Variants in GUCY2C observed in about 807,000 individuals in gnomAD.
The protein encoded by GUCY2C is guanylate cyclase 2C.
GUCY2C carries 118 observed loss-of-function variants against 131.1 expected under a neutral mutation model. The observed-to-expected ratio is 0.90, with a 90% CI of 0.78 to 1.05. The LOEUF (loss-of-function observed/expected upper bound fraction) is 1.05, where lower values mean the gene tolerates loss of function less well. Ranked by LOEUF, GUCY2C falls within the 50% of genes least tolerant of loss-of-function variation. The probability of loss-of-function intolerance (pLI) is 0.00; values close to 1 mark genes in which losing one functional copy is unlikely to be tolerated. For synonymous variants in GUCY2C, 452 were observed against 457.8 expected (o/e 0.99, Z 0.16); for missense variants, 1,161 against 1,304.4 (o/e 0.89, Z 1.69).
rs368163045 is a variant in GUCY2C at position 14,680,251 on chromosome 12, C to A, written c.734-498G>T. 3.3e-5 allele frequency among the ~76,000 whole-genome samples: 5 copies of A among 152,322 alleles called. No homozygotes were observed. In the East Asian group the frequency reaches 5.8e-4, roughly 18 times the overall value. ...TTATCTGTAGCCTCTTAACTCAAAA[C>A]TTCATCTTAGTAACTCCAATGCCAG... On this transcript the variant is annotated intron_variant, in intron 5 of 26. Coordinates refer to ENST00000261170, the MANE Select transcript of GUCY2C (RefSeq NM_004963.4).
rs147438839 is a variant in GUCY2C at position 14,682,270 on chromosome 12, G to A, written c.611+772C>T. ...CCCCACGTGTCAAGGGAGAGACCAG[G>A]TGGAGGTAATTGAACCATGGGGGTG... On this transcript the variant is annotated intron_variant, in intron 4 of 26. Transcript: ENST00000261170. Among the ~76,000 whole-genome samples the A allele has an allele frequency of 2.6e-5, 4 of 152,260 alleles. No individual in the cohort carries two copies. In the East Asian group the frequency reaches 7.7e-4, roughly 29 times the overall value.
chr12:14,648,392 G>A (rs1409963546), intron 15 of GUCY2C, among the ~76,000 whole-genome samples: 3 of 152,108 alleles, frequency 2.0e-5, no homozygotes, highest in Non-Finnish European at 2.9e-5. Flanking sequence ...GGGTTGTCAT[G>A]CTTGTATCCT....
intron 1 of GUCY2C, among the ~76,000 whole-genome samples, chr12:14,691,825 T>TTA (rs2137112716): frequency 6.6e-6 from 1 of 152,316 alleles, no homozygotes; most frequent in East Asian, 1.9e-4. Flanking sequence ...CCTCATCCAC[T>TTA]TGTTAATAGA....
chr12:14,681,578 A>G, intron 4 of GUCY2C, 101 bp from the exon 5 acceptor site: 1 of 988,752 alleles, frequency 1.0e-6, no homozygotes, highest in Non-Finnish European at 1.6e-6. Context: ...TTGTTCATCT[A>G]AAATTCATTT....
chr12:14,638,886 T>A (rs1055127098), intron 19 of GUCY2C, among the ~76,000 whole-genome samples: 9 of 152,184 alleles, frequency 5.9e-5, no homozygotes, highest in African/African-American at 1.7e-4. Context: ...ATAGAAATGA[T>A]AACTACTTAA....
At chr12:14,625,345 T>TTTA (rs1946988239) in intron 21 of GUCY2C, among the ~76,000 whole-genome samples, 1 of 84,152 alleles carries the variant, frequency 1.2e-5, no homozygotes, top group African/African-American at 3.9e-5. Flanking sequence ...TTTTTTTTTT[T>TTTA]GAGACGGAGT....
chr12:14,641,285 C>T, intron 17 of GUCY2C, 66 bp from the exon 18 acceptor site: 4 of 1,474,748 alleles, frequency 2.7e-6, no homozygotes, highest in Non-Finnish European at 3.8e-6. Flanking sequence ...CTCCAACCTG[C>T]TTTTGCTCTC....
chr12:14,613,679 A>G lies in GUCY2C; in HGVS notation c.3048-388T>C, dbSNP rs1946697251. 6.6e-6 allele frequency among the ~76,000 whole-genome samples: 1 copy of G among 152,148 alleles called. No homozygotes were observed. The highest frequency in any genetic ancestry group is 1.5e-5 in the Non-Finnish European group (1 of 68,014). Reference sequence around the variant, plus strand: ...TGTGAGTCTTGTTTGGGGAAGGCTTAGAATGGTGGAGGGGACCACGAGTTT... The same window carrying G: ...TGTGAGTCTTGTTTGGGGAAGGCTTGGAATGGTGGAGGGGACCACGAGTTT... On this transcript the variant is annotated intron_variant, in intron 26 of 26. Transcript: ENST00000261170. This position sits in a 1 kb window ranked among gnomAD's most constrained non-coding sequence, Gnocchi z 4.9.
chr12:14,684,585 C>CT (rs766270203), intron 3 of GUCY2C, among the ~76,000 whole-genome samples: 337 of 2,596 alleles, frequency 0.13, 21 homozygotes, highest in Middle Eastern at 0.25. Context: ...TCCTTCCTTC[C>CT]TTCCTTCCTT....
intron 6 of GUCY2C, 22 bp downstream of exon 6, chr12:14,679,635 T>G: frequency 8.5e-7 from 1 of 1,183,428 alleles, no homozygotes; most frequent in Non-Finnish European, 1.3e-6. Flanking sequence ...AGGAGGAGGG[T>G]TTTTCCAAAT....
chr12:14,655,744 T>C (rs1424854926), intron 12 of GUCY2C, among the ~76,000 whole-genome samples: 3 of 152,178 alleles, frequency 2.0e-5, no homozygotes, highest in Non-Finnish European at 4.4e-5. Flanking sequence ...TGTTACAATC[T>C]CTGGCTTTAC....
intron 19 of GUCY2C, among the ~76,000 whole-genome samples, chr12:14,629,630 C>T (rs775880225): frequency 1.1e-4 from 17 of 152,156 alleles, no homozygotes; most frequent in Non-Finnish European, 1.5e-4. Flanking sequence ...TATTGGGCCA[C>T]GAGAAATATC....
At chr12:14,689,297 A>G (rs1422222273) in intron 1 of GUCY2C, among the ~76,000 whole-genome samples, 2 of 152,164 alleles carry the variant, frequency 1.3e-5, no homozygotes, top group African/African-American at 2.4e-5. Flanking sequence ...CAAGTGGGTG[A>G]AGGGAACTCC....
intron 11 of GUCY2C, among the ~76,000 whole-genome samples, chr12:14,657,804 A>G (rs879647995): frequency 6.6e-6 from 1 of 152,162 alleles, no homozygotes; most frequent in Non-Finnish European, 1.5e-5. Flanking sequence ...TGGTGTCAAA[A>G]GGTCGGGGAC....
rs751209443 is a variant in GUCY2C, at chr12:14,652,050, T to A, written c.1534-20A>T. ...CACTCGCTGCAAAAATCAATGAAAT[T>A]TAGGAGACAGTGTTGTGGTGTAACT... On this transcript the variant is annotated intron_variant, in intron 13 of 26. Transcript: ENST00000261170. The A allele has an allele frequency of 6.9e-7, 1 of 1,448,986 alleles. No homozygotes were observed. The highest frequency in any genetic ancestry group is 1.9e-4 in the Middle Eastern group (1 of 5,312). The allele number at this position is 1,448,986 out of a possible 1,614,324, so 89.8% of individuals were successfully genotyped here. A position where few individuals can be genotyped will look rare whatever the true frequency, so the allele number is the denominator to read the frequency against.
intron 9 of GUCY2C, among the ~76,000 whole-genome samples, chr12:14,671,431 C>T (rs1948107887): frequency 1.3e-5 from 2 of 152,144 alleles, no homozygotes; most frequent in Admixed American, 6.5e-5. Context: ...AGCCACTGCA[C>T]CCTGCCCAAT....
At chr12:14,679,220 TTTTCCTTTC>T (rs1407630351) in intron 6 of GUCY2C, among the ~76,000 whole-genome samples, 5 of 152,140 alleles carry the variant, frequency 3.3e-5, no homozygotes, top group Non-Finnish European at 5.9e-5. Context: ...GATCGTATGT[TTTTCCTTTC>T]TTTCTTTTTT....
chr12:14,674,678 T>C lies in GUCY2C; in HGVS notation c.1031A>G (p.Glu344Gly), dbSNP rs771997631. 17 of 1,613,032 alleles carry C rather than the reference T, an allele frequency of 1.1e-5. No homozygotes were observed. The South Asian group carries it at 1.5e-4, about 15-fold the overall frequency. The change falls in exon 8 of 27, where the codon GAA becomes GGA. Residue 344 changes from glutamate to glycine, a missense_variant. Glu to Gly is a moderately conservative substitution (Grantham distance 98). Transcript: ENST00000261170. The stretch of plus-strand genomic sequence containing the variant: ...AGCAAATTTGGGGGTGGTAATATTT[T>C]CTCCATTTTCAAGAAATATCTTCAG... Reference protein sequence around the residue: ...HMLKIFLENGENITTPKFAHA... With the variant: ...HMLKIFLENGGNITTPKFAHA...
intron 9 of GUCY2C, among the ~76,000 whole-genome samples, chr12:14,671,339 C>T (rs538370562): frequency 3.1e-4 from 47 of 152,164 alleles, no homozygotes; most frequent in Admixed American, 2.6e-3. Flanking sequence ...GGTTTTACCG[C>T]GTTGGCCAGG....
Sources: gnomAD v4.1 joint callset for allele counts (sites outside exome capture counted in the v4.1 genomes callset) on GRCh38, gnomAD v4.1.1 for gene constraint, Gnocchi (gnomAD v3.1) non-coding constraint, MANE v1.5 for transcripts, NCBI Gene and HGNC (gene_info 2026-07-23, HGNC 2026-07-21) for gene names.